The following SSUH2 variants were observed in gnomAD, a reference collection of about 807,000 sequenced individuals.
SSUH2 encodes protein SSUH2 homolog.
SSUH2 carries 47 observed loss-of-function variants against 55.3 expected under a neutral mutation model. That is an observed-to-expected ratio of 0.85 (90% CI 0.67 to 1.08). The LOEUF (loss-of-function observed/expected upper bound fraction) is 1.08, where lower values mean the gene tolerates loss of function less well. Ranked by LOEUF, SSUH2 falls within the 50% of genes least tolerant of loss-of-function variation. SSUH2 has a pLI of 0.00. For missense variants in SSUH2, 535 were observed against 490.7 expected (o/e 1.09, Z -0.85); for synonymous variants, 212 against 191.5 (o/e 1.11, Z -0.89).
chr3:8,620,071 C>T, intron 11 of SSUH2, 57 bp from the exon 12 acceptor site: 5 of 1,590,720 alleles, frequency 3.1e-6, no homozygotes, highest in South Asian at 1.2e-5. Flanking sequence ...CACTCACCTG[C>T]TCAGGAACTT....
At chr3:8,642,434 T>G (rs1049593977) in intron 1 of SSUH2, among the ~76,000 whole-genome samples, 1 of 152,176 alleles carries the variant, frequency 6.6e-6, no homozygotes, top group East Asian at 1.9e-4. Context: ...GGGAGAGAGA[T>G]AGCGATTCAA....
chr3:8,681,159 G>GCA (rs1445595084), intron 1 of SSUH2, among the ~76,000 whole-genome samples: 3 of 132,676 alleles, frequency 2.3e-5, no homozygotes, highest in Non-Finnish European at 5.0e-5. Context: ...GACTTCCATA[G>GCA]CAGGGGGGGG....
chr3:8,650,299 T>C (rs957109101), intron 7 of SSUH2, among the ~76,000 whole-genome samples: 4 of 152,228 alleles, frequency 2.6e-5, no homozygotes, highest in African/African-American at 9.6e-5. Flanking sequence ...GTTCAACACC[T>C]GTCATAATCT....
chr3:8,639,746 AAAAGCACTG>A (rs996525598), intron 1 of SSUH2, among the ~76,000 whole-genome samples: 14 of 152,348 alleles, frequency 9.2e-5, no homozygotes, highest in African/African-American at 3.4e-4. Context: ...TAATCATCTT[AAAAGCACTG>A]AAGCGTGCTC....
intron 1 of SSUH2, among the ~76,000 whole-genome samples, chr3:8,680,589 G>T (rs1705874866): frequency 6.6e-6 from 1 of 152,020 alleles, no homozygotes; most frequent in Non-Finnish European, 1.5e-5. Flanking sequence ...CAATATCAGT[G>T]AGGGCGTGTC....
Position 8,623,660 on chromosome 3 carries a change from G to T in SSUH2, c.874-4C>A. 1.3e-6 allele frequency: 2 copies of T among 1,483,128 alleles called. No homozygotes were observed. The highest frequency in any genetic ancestry group is 1.8e-6 in the Non-Finnish European group (2 of 1,092,818). The allele number at this position is 1,483,128 out of a possible 1,614,324, so 91.9% of individuals were successfully genotyped here. Reference sequence around the variant, plus strand: ...GGAAGTCCACGATGGGGTACACCTGGGGGAAAGAGAGAGAGACACAGACCA... The same window carrying T: ...GGAAGTCCACGATGGGGTACACCTGTGGGAAAGAGAGAGAGACACAGACCA... On this transcript the variant is annotated splice_region_variant and splice_polypyrimidine_tract_variant and intron_variant, in intron 10 of 11. Coordinates refer to ENST00000544814, the MANE Select transcript of SSUH2 (RefSeq NM_001256748.3).
At chr3:8,644,809 C>G, upstream of SSUH2, 1 of 1,520,626 alleles carries the variant, frequency 6.6e-7, no homozygotes, top group Non-Finnish European at 8.8e-7. Flanking sequence ...GTGCTTGGAC[C>G]GATGTGCTCT....
At chr3:8,668,277 C>CA in intron 5 of SSUH2, among the ~76,000 whole-genome samples, 1 of 152,268 alleles carries the variant, frequency 6.6e-6, no homozygotes, top group East Asian at 1.9e-4. Flanking sequence ...TCTTCACACA[C>CA]AAAAAAGGCA....
intron 1 of SSUH2, among the ~76,000 whole-genome samples, chr3:8,643,768 G>A (rs539261653): frequency 1.3e-5 from 2 of 152,320 alleles, no homozygotes; most frequent in African/African-American, 2.4e-5. Context: ...GAAAGCTATA[G>A]ACCTCTCTCT....
At position 8,621,517 on chromosome 3, in the gene SSUH2, G is replaced by A. The variant is rs1267179503; in HGVS notation, c.982-1503C>T. Among the ~76,000 whole-genome samples the A allele has an allele frequency of 2.0e-5, 3 of 152,156 alleles. No individual in the cohort carries two copies. In the East Asian group the frequency reaches 5.8e-4, roughly 29 times the overall value. ...GTTCTGTCAGAGGAGAGGCCAGGGGGCAGCATGACATTGCAGAAGGAAGAG... is the reference window on the plus strand; with the variant it reads ...GTTCTGTCAGAGGAGAGGCCAGGGGACAGCATGACATTGCAGAAGGAAGAG... On this transcript the variant is annotated intron_variant, in intron 11 of 11. Transcript: ENST00000544814.
At chr3:8,679,288 G>A (rs1465981398) in intron 2 of SSUH2, among the ~76,000 whole-genome samples, 2 of 107,734 alleles carry the variant, frequency 1.9e-5, no homozygotes, top group South Asian at 6.8e-4. Context: ...ATCGGAGGGG[G>A]GGAGCCACCC....
chr3:8,625,542 C>T lies in SSUH2; in HGVS notation c.873G>A (p.Val291=). The T allele has an allele frequency of 1.2e-6, 2 of 1,606,012 alleles. No individual in the cohort carries two copies. Among genetic ancestry groups the T allele is most frequent in the South Asian group, 1.1e-5 (1 of 90,802 alleles). The change falls in exon 10 of 12, where the codon GTG becomes GTA. Residue 291 remains valine (V), a splice_region_variant and synonymous_variant. Coordinates refer to ENST00000544814, the MANE Select transcript of SSUH2 (RefSeq NM_001256748.3). ...GTTCCCATCTACAATGCCCTCTTAC[C>T]ACCGAGTTTTCATCCTTAAAGAGGT... ...GENLFKDENS[V]VYPIVDFPLR...
rs570793233 is a variant in SSUH2, at chr3:8,620,138, A to G, written c.982-124T>C. 16 of 1,075,278 alleles carry G rather than the reference A, an allele frequency of 1.5e-5. No individual in the cohort carries two copies. The East Asian group carries it at 2.4e-4, about 16-fold the overall frequency. 66.6% of individuals were successfully genotyped at this position (1,075,278 alleles called of 1,614,324 possible). ...GGTCCTGCTCTGGAGTTGGCATTCA[A>G]TATGGTTTGGCTCTGTGTTCCCACC... is the stretch of plus-strand genomic sequence containing the variant. On this transcript the variant is annotated intron_variant, in intron 11 of 11. Coordinates refer to ENST00000544814, the MANE Select transcript of SSUH2 (RefSeq NM_001256748.3).
intron 11 of SSUH2, among the ~76,000 whole-genome samples, chr3:8,620,779 T>C (rs894476872): frequency 2.0e-5 from 3 of 152,208 alleles, no homozygotes; most frequent in Non-Finnish European, 4.4e-5. Context: ...ATGTGTGTAT[T>C]AAAACAACCA....
At chr3:8,679,039 C>T (rs1301671211) in intron 2 of SSUH2, among the ~76,000 whole-genome samples, 3 of 107,418 alleles carry the variant, frequency 2.8e-5, no homozygotes, top group Non-Finnish European at 6.5e-5. Context: ...GCTCTTAGGA[C>T]ACCAAACGCA....
chr3:8,670,672 T>G (rs1294682398), intron 5 of SSUH2, among the ~76,000 whole-genome samples: 1 of 151,616 alleles, frequency 6.6e-6, no homozygotes, highest in Non-Finnish European at 1.5e-5. Flanking sequence ...TATCAGAGGG[T>G]GTACATGCAT....
At chr3:8,676,238 G>A (rs765312677) in intron 3 of SSUH2, among the ~76,000 whole-genome samples, 18 of 151,942 alleles carry the variant, frequency 1.2e-4, no homozygotes, top group East Asian at 3.9e-4. Context: ...GTGTACACCC[G>A]TCTGTACTGG....
intron 5 of SSUH2, among the ~76,000 whole-genome samples, chr3:8,668,331 T>G (rs1460396276): frequency 6.6e-6 from 1 of 152,262 alleles, no homozygotes; most frequent in African/African-American, 2.4e-5. Flanking sequence ...AGGTTGGCTC[T>G]CTGGATAGCT....
chr3:8,679,187 G>C (rs551656548), intron 2 of SSUH2, among the ~76,000 whole-genome samples: 1 of 75,980 alleles, frequency 1.3e-5, no homozygotes, highest in Admixed American at 1.3e-4. Flanking sequence ...CCCCACACTG[G>C]CTCTTGGGAC....
Sources: allele counts gnomAD v4.1 joint callset (sites outside exome capture counted in the v4.1 genomes callset), GRCh38; gene constraint gnomAD v4.1.1; transcripts MANE v1.5; gene names NCBI Gene and HGNC (gene_info 2026-07-23, HGNC 2026-07-21).